SOX6: variants seen among roughly 807,000 people sequenced by gnomAD.
SOX6 encodes the protein transcription factor SOX-6.
A neutral mutation model predicts 97.8 loss-of-function variants in SOX6; 11 were observed. The observed-to-expected ratio is 0.11, with a 90% CI of 0.07 to 0.19. SOX6 has a LOEUF of 0.19. Ranked by LOEUF, SOX6 falls within the 10% of genes least tolerant of loss-of-function variation. The pLI is 1.00. For missense variants in SOX6, 810 were observed against 1,039.5 expected (o/e 0.78, Z 3.04); for synonymous variants, 360 against 371.4 (o/e 0.97, Z 0.35).
At chr11:15,991,786 T>G (rs1258177428) in intron 13 of SOX6, among the ~76,000 whole-genome samples, 2 of 152,204 alleles carry the variant, frequency 1.3e-5, no homozygotes, top group Non-Finnish European at 2.9e-5. Context: ...GATGCTGGCT[T>G]TGGTATAAAC....
rs145554906 is a variant in SOX6, at chr11:16,081,893, G to A, written c.1101+14103C>T. On this transcript the variant is annotated intron_variant, in intron 9 of 15. Transcript: ENST00000683767. The stretch of plus-strand genomic sequence containing the variant: ...TATGTCTCTTAAAGGAAATTTTATC[G>A]TTTCCACATTATCGGCATACAAAAG... 2.3e-4 allele frequency among the ~76,000 whole-genome samples: 35 copies of A among 152,204 alleles called. No homozygotes were observed. In the East Asian group the frequency reaches 3.3e-3, roughly 14 times the overall value.
chr11:16,065,797 A>C (rs1185504437), intron 9 of SOX6, among the ~76,000 whole-genome samples: 1 of 152,154 alleles, frequency 6.6e-6, no homozygotes, highest in Non-Finnish European at 1.5e-5. Context: ...CAAGACCTCA[A>C]TGTATGAAAC....
At chr11:16,667,578 T>C (rs1274659192) in intron 3 of SOX6, among the ~76,000 whole-genome samples, 2 of 150,978 alleles carry the variant, frequency 1.3e-5, no homozygotes, top group Admixed American at 6.6e-5. Context: ...CCTAGAATAG[T>C]GTATCCAGTG....
intron 6 of SOX6, among the ~76,000 whole-genome samples, chr11:16,140,452 G>T (rs1271697308): frequency 6.6e-6 from 1 of 152,100 alleles, no homozygotes; most frequent in East Asian, 1.9e-4. Flanking sequence ...AAGCCACAGA[G>T]ACCTAAGTTT....
intron 4 of SOX6, among the ~76,000 whole-genome samples, chr11:16,549,358 G>A (rs773457315): frequency 1.4e-4 from 20 of 143,704 alleles, no homozygotes; most frequent in East Asian, 7.1e-4. Context: ...TAGTAGAGAC[G>A]GGGTTTCTCC....
At chr11:16,615,737 A>G (rs1413464096) in intron 3 of SOX6, among the ~76,000 whole-genome samples, 1 of 152,220 alleles carries the variant, frequency 6.6e-6, no homozygotes, top group Non-Finnish European at 1.5e-5. Context: ...CTGAAAATAT[A>G]TCTATTTATT....
At chr11:16,489,243 T>C (rs1027371723) in intron 4 of SOX6, among the ~76,000 whole-genome samples, 2 of 152,168 alleles carry the variant, frequency 1.3e-5, no homozygotes, top group Non-Finnish European at 2.9e-5. Flanking sequence ...GCAGTTCTAC[T>C]ATTTTATACA....
rs529300117 is a variant in SOX6, at chr11:16,663,283, A to T, written n.430-51023T>A. On this transcript the variant is annotated intron_variant and non_coding_transcript_variant, in intron 3 of 5. Transcript: ENST00000524520. ...TAAAAGGAAAAAATATACATTTTTT[A>T]AAAAAGTAAAACTATTTCTTTTTTA... Among the ~76,000 whole-genome samples, 32 of 152,294 alleles carry T rather than the reference A, an allele frequency of 2.1e-4. No homozygotes were observed. The South Asian group carries it at 2.7e-3, about 13-fold the overall frequency.
chr11:16,054,998 A>G (rs1847778140), intron 10 of SOX6, among the ~76,000 whole-genome samples: 1 of 152,182 alleles, frequency 6.6e-6, no homozygotes, highest in Non-Finnish European at 1.5e-5. Context: ...TTAATGTCCC[A>G]GACATAACTT....
chr11:16,737,298 C>T (rs1269103036), intron 1 of SOX6, among the ~76,000 whole-genome samples: 1 of 152,136 alleles, frequency 6.6e-6, no homozygotes, highest in Non-Finnish European at 1.5e-5. Flanking sequence ...CCTCCGCCTC[C>T]CGGGTTCAAG....
chr11:16,419,849 A>G (rs1858992804), intron 1 of SOX6, among the ~76,000 whole-genome samples: 1 of 152,114 alleles, frequency 6.6e-6, no homozygotes, highest in South Asian at 2.1e-4. Context: ...CCTGTACCTC[A>G]TAAGTGGTTT....
At chr11:16,218,430 T>C (rs1440556744) in intron 4 of SOX6, among the ~76,000 whole-genome samples, 1 of 152,142 alleles carries the variant, frequency 6.6e-6, no homozygotes, top group Non-Finnish European at 1.5e-5. Flanking sequence ...CTTAACATTT[T>C]AAAATTCCTG....
chr11:16,224,092 A>T (rs1009778673), intron 4 of SOX6, among the ~76,000 whole-genome samples: 2 of 152,050 alleles, frequency 1.3e-5, no homozygotes, highest in Non-Finnish European at 1.5e-5. Flanking sequence ...AATCAATAGA[A>T]ATATTTTATA....
At chr11:16,203,271 C>G (rs1038607071) in intron 4 of SOX6, among the ~76,000 whole-genome samples, 1 of 151,786 alleles carries the variant, frequency 6.6e-6, no homozygotes, top group Admixed American at 6.6e-5. Context: ...AGCTTTCTGA[C>G]ATTTTTCTTT....
chr11:16,263,262 T>C (rs1018501040), intron 3 of SOX6, among the ~76,000 whole-genome samples: 2 of 151,906 alleles, frequency 1.3e-5, no homozygotes, highest in Admixed American at 6.6e-5. Flanking sequence ...ATTTATAGTT[T>C]CCCAAAGAAC....
chr11:16,342,907 T>A (rs964755578), intron 1 of SOX6, among the ~76,000 whole-genome samples: 3 of 151,870 alleles, frequency 2.0e-5, no homozygotes, highest in African/African-American at 7.2e-5. Context: ...ATTGTATCTA[T>A]TAAATTTGAT....
At chr11:16,134,633 T>C (rs962532052) in intron 6 of SOX6, among the ~76,000 whole-genome samples, 2 of 152,206 alleles carry the variant, frequency 1.3e-5, no homozygotes, top group African/African-American at 4.8e-5. Context: ...CTTATTATTA[T>C]ATCTGTTGTA....
In SOX6 at chr11:16,122,041, C is replaced by T. The variant is rs571822683; in HGVS notation, c.778-10118G>A. Reference sequence around the variant, plus strand: ...TATTAGTGGGTATTTTATTCAGATTCGTGCTGTAAAATCTGCATAAACTCA... The same window carrying T: ...TATTAGTGGGTATTTTATTCAGATTTGTGCTGTAAAATCTGCATAAACTCA... On this transcript the variant is annotated intron_variant, in intron 6 of 15. Transcript: ENST00000683767. Among the ~76,000 whole-genome samples the T allele has an allele frequency of 3.0e-4, 45 of 152,058 alleles. 1 individual carries two copies. The highest frequency in any genetic ancestry group is 7.7e-4 in the East Asian group (4 of 5,170).
chr11:16,076,735 ATTTTTTTTTTT>A (rs1156737950), intron 9 of SOX6, among the ~76,000 whole-genome samples: 1,219 of 94,152 alleles, frequency 0.013, 30 homozygotes, highest in African/African-American at 0.058. Flanking sequence ...GGTACTACAC[ATTTTTTTTTTT>A]TTTTTTTTTT....
Sources: allele counts gnomAD v4.1 joint callset (sites outside exome capture counted in the v4.1 genomes callset), GRCh38; gene constraint gnomAD v4.1.1; transcripts MANE v1.5; gene names NCBI Gene and HGNC (gene_info 2026-07-23, HGNC 2026-07-21).